Variants in MITF observed in about 807,000 individuals in gnomAD.
The protein encoded by MITF is microphthalmia-associated transcription factor.
In MITF, 17 loss-of-function variants were observed where a neutral mutation model predicts 60.5. That is an observed-to-expected ratio of 0.28 (90% CI 0.19 to 0.42). The LOEUF (loss-of-function observed/expected upper bound fraction) is 0.42. Among genes scored for constraint, MITF ranks in the 10% least tolerant of loss-of-function variants. The probability of loss-of-function intolerance (pLI) is 1.00; values close to 1 mark genes in which losing one functional copy is unlikely to be tolerated. For synonymous variants in MITF, 260 were observed against 248.5 expected (o/e 1.05, Z -0.43); for missense variants, 622 against 683.5 (o/e 0.91, Z 1.00).
chr3:69,871,426 G>A (rs1559687401), intron 1 of MITF, among the ~76,000 whole-genome samples: 1 of 152,188 alleles, frequency 6.6e-6, no homozygotes, highest in Non-Finnish European at 1.5e-5. Context: ...AACTGAAAGT[G>A]AAGGAGGCTG....
intron 2 of MITF, among the ~76,000 whole-genome samples, chr3:69,886,999 A>G (rs1003551720): frequency 6.6e-5 from 10 of 152,072 alleles, no homozygotes; most frequent in South Asian, 2.1e-4. Context: ...CACACTTTTG[A>G]TATCAATTTT....
chr3:69,947,788 C>G (rs905585054), intron 5 of MITF, among the ~76,000 whole-genome samples: 6 of 152,112 alleles, frequency 3.9e-5, no homozygotes, highest in African/African-American at 1.4e-4. Context: ...GCCTCCCACC[C>G]AAATCTCTTT....
intron 1 of MITF, among the ~76,000 whole-genome samples, chr3:69,876,057 A>G (rs2064346933): frequency 6.6e-6 from 1 of 152,154 alleles, no homozygotes; most frequent in African/African-American, 2.4e-5. Context: ...GGTCTACTTC[A>G]TACATACGTA....
chr3:69,880,634 C>T (rs1034776330), intron 2 of MITF, among the ~76,000 whole-genome samples: 3 of 151,934 alleles, frequency 2.0e-5, no homozygotes, highest in Admixed American at 6.6e-5. Context: ...GTAGATGATG[C>T]ATTGAATCTT....
At chr3:69,950,821 G>T (rs1399865939) in intron 6 of MITF, among the ~76,000 whole-genome samples, 4 of 151,850 alleles carry the variant, frequency 2.6e-5, no homozygotes, top group Admixed American at 2.0e-4. Context: ...GTTTTGTTTT[G>T]TTTTGTTCTC....
chr3:69,845,084 G>A (rs2063706883), intron 1 of MITF, among the ~76,000 whole-genome samples: 1 of 152,034 alleles, frequency 6.6e-6, no homozygotes, highest in Non-Finnish European at 1.5e-5. Context: ...TTGCATTTGT[G>A]TACTAATCTT....
At chr3:69,756,763 G>A (rs569132874) in intron 1 of MITF, among the ~76,000 whole-genome samples, 5 of 152,120 alleles carry the variant, frequency 3.3e-5, no homozygotes, top group East Asian at 1.9e-4. Flanking sequence ...AGTGTAAAGC[G>A]TCCCTGTTTC....
intron 1 of MITF, among the ~76,000 whole-genome samples, chr3:69,834,041 CATT>C (rs2063499158): frequency 6.6e-6 from 1 of 151,796 alleles, no homozygotes; most frequent in Non-Finnish European, 1.5e-5. Context: ...AAAATGGACA[CATT>C]ATAATTGTAC....
At chr3:69,938,456 T>C in intron 3 of MITF, 2 of 1,490,988 alleles carry the variant, frequency 1.3e-6, no homozygotes, top group South Asian at 1.4e-5. Context: ...CCGCTTGTTG[T>C]GAATGTCTGG....
At chr3:69,934,899 CG>C (rs988417148) in intron 2 of MITF, among the ~76,000 whole-genome samples, 10 of 152,270 alleles carry the variant, frequency 6.6e-5, no homozygotes, top group African/African-American at 2.4e-4. Context: ...AGTTGAGCAT[CG>C]GATCTTTAAA....
intron 5 of MITF, among the ~76,000 whole-genome samples, chr3:69,945,051 A>G (rs950306891): frequency 2.0e-5 from 3 of 152,186 alleles, no homozygotes; most frequent in African/African-American, 7.2e-5. Context: ...ATTGAAGTCT[A>G]GAAATAACTA....
intron 1 of MITF, chr3:69,769,699 C>CGGAACTCCT (rs1200220253): frequency 1.3e-5 from 2 of 152,108 alleles, no homozygotes; most frequent in African/African-American, 4.8e-5. Flanking sequence ...CACTACAGCC[C>CGGAACTCCT]GGAACTCCTG....
intron 1 of MITF, among the ~76,000 whole-genome samples, chr3:69,856,805 T>A (rs1465056921): frequency 3.9e-5 from 6 of 152,192 alleles, no homozygotes; most frequent in African/African-American, 1.2e-4. Context: ...TCATATTTTC[T>A]TAGTCTCTTT....
chr3:69,949,112 TCACCATCAGCAA>T lies in MITF; in HGVS notation c.826_837del (p.Thr276_Asn279del), dbSNP rs1398949955. 1 of 1,613,820 alleles carries T rather than the reference TCACCATCAGCAA, an allele frequency of 6.2e-7. No individual in the cohort carries two copies. Among genetic ancestry groups the T allele is most frequent in the Admixed American group, 1.7e-5 (1 of 59,978 alleles). Reference sequence around the variant, plus strand: ...AACCAAGGTCTGCCCCCACCAGGCCTCACCATCAGCAACTCCTGTCCAGCCAACCTTCCCAAC... The same window carrying T: ...AACCAAGGTCTGCCCCCACCAGGCCTCTCCTGTCCAGCCAACCTTCCCAAC... On this transcript the variant is annotated inframe_deletion, in exon 6 of 10. Transcript: ENST00000352241.
chr3:69,879,472 T>A (rs2064432572), intron 2 of MITF, 89 bp downstream of exon 2: 2 of 1,585,656 alleles, frequency 1.3e-6, no homozygotes, highest in Non-Finnish European at 1.7e-6. Flanking sequence ...ATGTATTTTG[T>A]TAGACTGACC....
chr3:69,775,251 C>T (rs1346380206), intron 1 of MITF, among the ~76,000 whole-genome samples: 1 of 152,194 alleles, frequency 6.6e-6, no homozygotes, highest in East Asian at 1.9e-4. Flanking sequence ...CCATTTTATT[C>T]TCAGAGGTTA....
At chr3:69,916,206 T>A (rs191800571) in intron 2 of MITF, among the ~76,000 whole-genome samples, 1 of 152,368 alleles carries the variant, frequency 6.6e-6, no homozygotes, top group Non-Finnish European at 1.5e-5. Flanking sequence ...TCTTTTTTTA[T>A]GTTGCTATAT....
intron 1 of MITF, among the ~76,000 whole-genome samples, chr3:69,863,677 A>G (rs1420866295): frequency 1.3e-5 from 2 of 152,202 alleles, no homozygotes; most frequent in African/African-American, 4.8e-5. Flanking sequence ...TCAGCTTTAA[A>G]TAGTGCCTAA....
intron 2 of MITF, among the ~76,000 whole-genome samples, chr3:69,887,757 G>C (rs1260371068): frequency 6.6e-6 from 1 of 152,032 alleles, no homozygotes; most frequent in African/African-American, 2.4e-5. Flanking sequence ...TGTCTCTGGA[G>C]TGAGTATTGG....
Sources: gnomAD v4.1 joint callset for allele counts (sites outside exome capture counted in the v4.1 genomes callset) on GRCh38, gnomAD v4.1.1 for gene constraint, MANE v1.5 for transcripts, NCBI Gene and HGNC (gene_info 2026-07-23, HGNC 2026-07-21) for gene names.